Variants in SLC5A5 observed in about 807,000 individuals in gnomAD.
SLC5A5 encodes the protein sodium/iodide cotransporter.
In SLC5A5, 56 loss-of-function variants were observed where a neutral mutation model predicts 68.6. The observed-to-expected ratio is 0.82, with a 90% CI of 0.66 to 1.02. SLC5A5 has a LOEUF of 1.02. Ranked by LOEUF, SLC5A5 falls within the 50% of genes least tolerant of loss-of-function variation. The pLI is 0.00. For synonymous variants in SLC5A5, 398 were observed against 373.0 expected, an observed-to-expected ratio of 1.07 and a Z score of -0.77; for missense variants, 807 against 859.8, an observed-to-expected ratio of 0.94 and a Z score of 0.77.
In SLC5A5 at chr19:17,889,108, C is replaced by T. The variant is rs1445093930; in HGVS notation, c.1651+653C>T. On this transcript the variant is annotated intron_variant, in intron 13 of 14. Transcript: ENST00000222248. ...ATATATATAGTTTCTTTTAAAGGGA[C>T]GGGGTCGACTGGGCGTAGTGGCTCA... 4.6e-5 allele frequency among the ~76,000 whole-genome samples: 7 copies of T among 151,282 alleles called. No homozygotes were observed. The South Asian group carries it at 8.4e-4, about 18-fold the overall frequency.
rs936886350 is a variant in SLC5A5 at position 17,889,013 on chromosome 19, T to C, written c.1651+558T>C. Reference sequence around the variant, plus strand: ...ACATACATACACACTTTTATGTGTATATATACATAAAAGAAATTATGAATA... The same window carrying C: ...ACATACATACACACTTTTATGTGTACATATACATAAAAGAAATTATGAATA... On this transcript the variant is annotated intron_variant, in intron 13 of 14. Coordinates refer to ENST00000222248, the MANE Select transcript of SLC5A5 (RefSeq NM_000453.3). 5.7e-4 allele frequency among the ~76,000 whole-genome samples: 87 copies of C among 151,850 alleles called. 2 individuals carry two copies. Among genetic ancestry groups the C allele is most frequent in the East Asian group, 1.9e-4 (1 of 5,194 alleles).
chr19:17,894,134 TC>T lies in SLC5A5; in HGVS notation c.*258del, dbSNP rs886054286. 5 of 458,250 alleles carry T rather than the reference TC, an allele frequency of 1.1e-5. No individual in the cohort carries two copies. In the South Asian group the frequency reaches 1.3e-4, roughly 12 times the overall value. The allele number at this position is 458,250 out of a possible 1,614,324, so 28.4% of individuals were successfully genotyped here. ...CTCCCCCCAAATAAGGCTGGGTTTT[TC>T]TCTCTCTCTTTTTTTTTTTTTTTTT... On this transcript the variant is annotated 3_prime_UTR_variant, in exon 15 of 15. Coordinates refer to ENST00000222248, the MANE Select transcript of SLC5A5 (RefSeq NM_000453.3).
intron 1 of SLC5A5, 146 bp from the exon 2 acceptor site, chr19:17,873,992 G>T (rs541962689): frequency 1.0e-5 from 7 of 701,954 alleles, no homozygotes; most frequent in Non-Finnish European, 1.6e-5. Flanking sequence ...GGGTGTGTGC[G>T]TGCGGCGGGG....
intron 13 of SLC5A5, among the ~76,000 whole-genome samples, chr19:17,888,999 C>CCTTTTATGTGTATATAT (rs2030044179): frequency 6.6e-6 from 1 of 150,884 alleles, no homozygotes; most frequent in African/African-American, 2.5e-5. Context: ...CATACATACA[C>CCTTTTATGTGTATATAT]ACTTTTATGT....
intron 7 of SLC5A5, among the ~76,000 whole-genome samples, chr19:17,879,233 C>A (rs948419163): frequency 6.6e-6 from 1 of 151,990 alleles, no homozygotes; most frequent in Non-Finnish European, 1.5e-5. Context: ...GCGGAGGTTG[C>A]GGTGAGCTGA....
chr19:17,883,654 C>T (rs952780170), intron 10 of SLC5A5, 27 bp from the exon 11 acceptor site: 1 of 1,594,308 alleles, frequency 6.3e-7, no homozygotes, highest in Non-Finnish European at 8.6e-7. Context: ...GCTCCGCCCT[C>T]AGCCCCACTT....
intron 14 of SLC5A5, 108 bp downstream of exon 14, chr19:17,891,109 A>C: frequency 1.3e-6 from 1 of 763,642 alleles, no homozygotes; most frequent in Admixed American, 1.9e-5. Flanking sequence ...TCCATCGCTC[A>C]TTATCTCCAG....
In SLC5A5 at chr19:17,893,938, G is replaced by C; in HGVS notation, c.*61G>C. Reference sequence around the variant, plus strand: ...GGAACCTCAGGATGGGCCAAACCCAGACAACGGGCCCATGGCCTTGGGCTC... The same window carrying C: ...GGAACCTCAGGATGGGCCAAACCCACACAACGGGCCCATGGCCTTGGGCTC... On this transcript the variant is annotated 3_prime_UTR_variant, in exon 15 of 15. Coordinates refer to ENST00000222248, the MANE Select transcript of SLC5A5 (RefSeq NM_000453.3). The C allele has an allele frequency of 1.3e-6, 2 of 1,483,914 alleles. No homozygotes were observed. The highest frequency in any genetic ancestry group is 1.8e-6 in the Non-Finnish European group (2 of 1,085,774). 91.9% of individuals were successfully genotyped at this position (1,483,914 alleles called of 1,614,324 possible). A position where few individuals can be genotyped will look rare whatever the true frequency, so the allele number is the denominator to read the frequency against.
chr19:17,889,055 C>CTA (rs1025317632), intron 13 of SLC5A5, among the ~76,000 whole-genome samples: 62 of 148,888 alleles, frequency 4.2e-4, no homozygotes, highest in African/African-American at 1.6e-3. Context: ...AAAATTATGA[C>CTA]TATATATATA....
chr19:17,880,848 C>T lies in SLC5A5; in HGVS notation c.970-17C>T, dbSNP rs1599921206. 1 of 1,596,820 alleles carries T rather than the reference C, an allele frequency of 6.3e-7. No individual in the cohort carries two copies. Among genetic ancestry groups the T allele is most frequent in the Non-Finnish European group, 8.6e-7 (1 of 1,165,284 alleles). On this transcript the variant is annotated splice_polypyrimidine_tract_variant and intron_variant, in intron 7 of 14. Transcript: ENST00000222248. The stretch of plus-strand genomic sequence containing the variant: ...GGGGTGCAGCTGTCTGGGAGGCTGA[C>T]CCCCAGTTCTCCCCAGTACATGCCT...
At chr19:17,876,322 G>A (rs569084901) in intron 5 of SLC5A5, among the ~76,000 whole-genome samples, 15 of 152,022 alleles carry the variant, frequency 9.9e-5, no homozygotes, top group African/African-American at 2.4e-4. Context: ...AGGTAGTTGA[G>A]AGGCTGAGGC....
intron 10 of SLC5A5, among the ~76,000 whole-genome samples, chr19:17,882,822 T>A (rs532116550): frequency 6.6e-6 from 1 of 152,310 alleles, no homozygotes; most frequent in East Asian, 1.9e-4. Context: ...TAGCTGGGAC[T>A]ACAAGCGCCC....
chr19:17,889,157 G>T (rs1466346465), intron 13 of SLC5A5, among the ~76,000 whole-genome samples: 1 of 152,004 alleles, frequency 6.6e-6, no homozygotes, highest in Non-Finnish European at 1.5e-5. Context: ...AGCACTTTGG[G>T]AGGCCGAGGC....
rs915031690 is a variant in SLC5A5 at position 17,884,033 on chromosome 19, A to G, written c.1513A>G (p.Ser505Gly). The G allele has an allele frequency of 1.9e-6, 3 of 1,567,424 alleles. No homozygotes were observed. The Admixed American group carries it at 5.7e-5, about 30-fold the overall frequency. ...DPALLPANDS[S>G]RAPSSGMDAS... ...GGCTCTCCTCCCTGCTAACGACTCC[A>G]GCAGGGCCCCCAGGTGAGCAGACTT... Residue 505 changes from serine to glycine, a missense_variant, in exon 12 of 15, where the codon AGC (serine) becomes GGC (glycine). Ser to Gly is a moderately conservative substitution (Grantham distance 56). Transcript: ENST00000222248.
chr19:17,875,877 A>G, intron 4 of SLC5A5, 75 bp from the exon 5 acceptor site: 3 of 1,394,590 alleles, frequency 2.2e-6, no homozygotes, highest in Admixed American at 3.4e-5. Context: ...ATAGAAGGGC[A>G]TCAGTCCTAG....
At chr19:17,891,066 T>C in intron 14 of SLC5A5, 65 bp downstream of exon 14, 1 of 971,172 alleles carries the variant, frequency 1.0e-6, no homozygotes, top group Middle Eastern at 2.1e-4. Context: ...TGACCACAGC[T>C]CAGGGGAGGG....
rs2147758975 is a variant in SLC5A5, at chr19:17,893,770, G to A, written c.1825G>A (p.Glu609Lys). 1.2e-6 allele frequency: 2 copies of A among 1,613,830 alleles called. No homozygotes were observed. The highest frequency in any genetic ancestry group is 2.2e-5 in the South Asian group (2 of 91,006). ...GCCCCCTGGCTTCCTGCCCACCAAT[G>A]AGGATCGTCTGTTTTTCTTGGGGCA... ...KKPPGFLPTN[E>K]DRLFFLGQKE... The change falls in exon 15 of 15, where the codon GAG becomes AAG. Residue 609 changes from glutamate to lysine, a missense_variant. Physicochemically the swap from Glu to Lys is moderately conservative, Grantham distance 56. Transcript: ENST00000222248.
At chr19:17,892,695 A>AGAGAGAGAGAGAGG (rs528009112) in intron 14 of SLC5A5, among the ~76,000 whole-genome samples, 4 of 148,606 alleles carry the variant, frequency 2.7e-5, no homozygotes, top group Non-Finnish European at 5.9e-5. Flanking sequence ...AGAGAGAGAG[A>AGAGAGAGAGAGAGG]GAGCAAGCTA....
chr19:17,881,430 C>G (rs954862708), intron 8 of SLC5A5, among the ~76,000 whole-genome samples: 1 of 152,092 alleles, frequency 6.6e-6, no homozygotes, highest in African/African-American at 2.4e-5. Context: ...CCACAGCCGG[C>G]TAATTTTTGT....
Sources: allele counts gnomAD v4.1 joint callset (sites outside exome capture counted in the v4.1 genomes callset), GRCh38; gene constraint gnomAD v4.1.1; transcripts MANE v1.5; gene names NCBI Gene and HGNC (gene_info 2026-07-23, HGNC 2026-07-21).